NCS1: variants seen among roughly 807,000 people sequenced by gnomAD.
NCS1 encodes the protein frequenin homolog.
NCS1 carries 6 observed loss-of-function variants against 28.4 expected under a neutral mutation model. The observed-to-expected ratio is 0.21, with a 90% CI of 0.12 to 0.42. The LOEUF is 0.42. NCS1 is among the 10% of genes least tolerant of loss of function. The pLI is 1.00. For synonymous variants in NCS1, 86 were observed against 99.3 expected (o/e 0.87, Z 0.79); for missense variants, 131 against 241.4 (o/e 0.54, Z 3.03).
chr9:130,209,806 CCT>C lies in NCS1; in HGVS notation c.90-8025_90-8024del, dbSNP rs1554908539. 6.6e-6 allele frequency among the ~76,000 whole-genome samples: 1 copy of C among 152,104 alleles called. No individual in the cohort carries two copies. The highest frequency in any genetic ancestry group is 2.4e-5 in the African/African-American group (1 of 41,412). On this transcript the variant is annotated intron_variant, in intron 2 of 7. Transcript: ENST00000372398. The surrounding 1 kb of genome is among the most constrained non-coding windows in gnomAD (Gnocchi z 4.4). ...TAGGATTTTCTTTTCTCATCTCTAC[CCT>C]GTCTCGTGGAGCTGGTTCCCAAACA...
chr9:130,188,485 C>CGATCTCGGCTT (rs1236300082), intron 1 of NCS1, among the ~76,000 whole-genome samples: 3 of 150,536 alleles, frequency 2.0e-5, no homozygotes, highest in Non-Finnish European at 3.0e-5. Flanking sequence ...TGCAATGGCT[C>CGATCTCGGCTT]GATCTCGGCG....
chr9:130,222,142 G>GTA lies in NCS1; in HGVS notation c.308-498_308-497dup, dbSNP rs200961863. On this transcript the variant is annotated intron_variant, in intron 4 of 7. Coordinates refer to ENST00000372398, the MANE Select transcript of NCS1 (RefSeq NM_014286.4). ...TATATATATGTGTATATATATATACGTATATATATATGTATATACAGAGAG... is the reference window on the plus strand; with the variant it reads ...TATATATATGTGTATATATATATACGTATATATATATATGTATATACAGAGAG... 2.8e-3 allele frequency among the ~76,000 whole-genome samples: 361 copies of GTA among 127,758 alleles called. 11 individuals are homozygous for GTA. Among genetic ancestry groups the GTA allele is most frequent in the East Asian group, 0.018 (74 of 4,216 alleles). The allele number at this position is 127,758 out of a possible 152,430, so 83.8% of individuals were successfully genotyped here.
At position 130,180,628 on chromosome 9, in the gene NCS1, TG is replaced by T. The variant is rs1554905080; in HGVS notation, c.64+7904del. Among the ~76,000 whole-genome samples, 1 of 152,166 alleles carries T rather than the reference TG, an allele frequency of 6.6e-6. No individual in the cohort carries two copies. Among genetic ancestry groups the T allele is most frequent in the Non-Finnish European group, 1.5e-5 (1 of 68,040 alleles). ...AAGGTCAGTTCTGCTGTTTCCTGGC[TG>T]GGCAATCCTGGCCAGCTCCTTACGT... On this transcript the variant is annotated intron_variant, in intron 1 of 7. Coordinates refer to ENST00000372398, the MANE Select transcript of NCS1 (RefSeq NM_014286.4). This position sits in a 1 kb window ranked among gnomAD's most constrained non-coding sequence, Gnocchi z 4.5.
chr9:130,208,034 A>C (rs1415870768), intron 2 of NCS1, among the ~76,000 whole-genome samples: 1 of 152,036 alleles, frequency 6.6e-6, no homozygotes, highest in Non-Finnish European at 1.5e-5. Flanking sequence ...CTGCTTAAGA[A>C]ATGGCAGATC....
In NCS1 at chr9:130,234,910, C is replaced by T. The variant is rs1165050597; in HGVS notation, c.*1938C>T. On this transcript the variant is annotated 3_prime_UTR_variant, in exon 8 of 8. Transcript: ENST00000372398. The surrounding 1 kb of genome is among the most constrained non-coding windows in gnomAD (Gnocchi z 6.1). The stretch of plus-strand genomic sequence containing the variant: ...CTGCTGCTTTGCAGAGTCAACAGCC[C>T]ATCAGCCCATGTTTTAGAGGGGACA... The T allele has an allele frequency of 6.6e-6, 1 of 152,232 alleles. No homozygotes were observed. The highest frequency in any genetic ancestry group is 1.5e-5 in the Non-Finnish European group (1 of 68,082). 9.4% of individuals were successfully genotyped at this position (152,232 alleles called of 1,614,324 possible).
At chr9:130,198,471 C>T (rs1193246812) in intron 1 of NCS1, among the ~76,000 whole-genome samples, 2 of 152,342 alleles carry the variant, frequency 1.3e-5, no homozygotes, top group East Asian at 3.9e-4. Flanking sequence ...CATACAAGGT[C>T]ATGCAGACTC....
At chr9:130,230,036 T>C (rs1016654072) in intron 7 of NCS1, among the ~76,000 whole-genome samples, 1 of 152,068 alleles carries the variant, frequency 6.6e-6, no homozygotes, top group Non-Finnish European at 1.5e-5. Context: ...TTGTTGGGAA[T>C]TTGGGGAAGG....
chr9:130,201,576 C>T (rs1758520128), intron 2 of NCS1, among the ~76,000 whole-genome samples: 1 of 152,102 alleles, frequency 6.6e-6, no homozygotes, highest in African/African-American at 2.4e-5. Flanking sequence ...TATTGTCCGT[C>T]TTTGTGGAAT....
intron 2 of NCS1, among the ~76,000 whole-genome samples, chr9:130,204,688 G>A (rs10739776): frequency 6.6e-6 from 1 of 152,094 alleles, no homozygotes; most frequent in East Asian, 1.9e-4. Flanking sequence ...AAAAGGAGGG[G>A]GATAATAGTA....
intron 1 of NCS1, among the ~76,000 whole-genome samples, chr9:130,183,934 C>T (rs189425763): frequency 8.0e-4 from 121 of 151,894 alleles, no homozygotes; most frequent in Middle Eastern, 3.4e-3. Flanking sequence ...CTCAGCCTCC[C>T]GAGTAGCTGG....
rs1833357063 is a variant in NCS1 at position 130,223,102 on chromosome 9, AGAG to A, written c.424_426del (p.Glu142del). 1 of 1,606,948 alleles carries A rather than the reference AGAG, an allele frequency of 6.2e-7. No individual in the cohort carries two copies. Among genetic ancestry groups the A allele is most frequent in the Non-Finnish European group, 8.5e-7 (1 of 1,175,660 alleles). On this transcript the variant is annotated inframe_deletion, in exon 6 of 8. Coordinates refer to ENST00000372398, the MANE Select transcript of NCS1 (RefSeq NM_014286.4). ...TGCAGGGGAATACCGTGGAGCTCCC[AGAG>A]GAGGAGAACACTCCTGAGAAGAGGG...
At chr9:130,200,531 C>A in intron 1 of NCS1, 9 of 1,549,200 alleles carry the variant, frequency 5.8e-6, no homozygotes, top group South Asian at 3.6e-5. Flanking sequence ...CACCCCCCCA[C>A]ATAGGTGGGG....
At chr9:130,189,483 G>A (rs556600644) in intron 1 of NCS1, among the ~76,000 whole-genome samples, 23 of 152,182 alleles carry the variant, frequency 1.5e-4, no homozygotes, top group African/African-American at 4.3e-4. Context: ...TGCCGGGGTC[G>A]GCTCTGAAAT....
chr9:130,196,715 G>A (rs1267641576), intron 1 of NCS1, among the ~76,000 whole-genome samples: 1 of 152,144 alleles, frequency 6.6e-6, no homozygotes, highest in African/African-American at 2.4e-5. Flanking sequence ...TCTAGCCCCA[G>A]CCTGGGTGAC....
chr9:130,175,630 C>T lies in NCS1; in HGVS notation c.64+2903C>T, dbSNP rs976974452. Among the ~76,000 whole-genome samples, 5 of 152,088 alleles carry T rather than the reference C, an allele frequency of 3.3e-5. No individual in the cohort carries two copies. The highest frequency in any genetic ancestry group is 2.1e-4 in the South Asian group (1 of 4,794). On this transcript the variant is annotated intron_variant, in intron 1 of 7. Coordinates refer to ENST00000372398, the MANE Select transcript of NCS1 (RefSeq NM_014286.4). The surrounding 1 kb of genome is among the most constrained non-coding windows in gnomAD (Gnocchi z 4.9). The stretch of plus-strand genomic sequence containing the variant: ...GGGAGCCATGGGTCCACGTCCGAGT[C>T]GGTGCTGGGCAGTGTCCTTGGTGGG...
chr9:130,197,177 G>A (rs79180671), intron 1 of NCS1, among the ~76,000 whole-genome samples: 1,865 of 152,306 alleles, frequency 0.012, 55 homozygotes, highest in African/African-American at 0.042. Flanking sequence ...CGAAGGCAGG[G>A]CAGGTTTGAT....
At chr9:130,173,207 G>GGGC (rs1554904295) in intron 1 of NCS1, among the ~76,000 whole-genome samples, 1 of 151,850 alleles carries the variant, frequency 6.6e-6, no homozygotes, top group East Asian at 1.9e-4. Flanking sequence ...TGTGGGGGGG[G>GGGC]GGGTGGCGAG....
At chr9:130,206,158 C>T (rs1243299095) in intron 2 of NCS1, among the ~76,000 whole-genome samples, 1 of 152,178 alleles carries the variant, frequency 6.6e-6, no homozygotes, top group Non-Finnish European at 1.5e-5. Context: ...GCCAGGGGAA[C>T]TGCTGTTACC....
At chr9:130,178,157 G>A (rs564267069) in intron 1 of NCS1, among the ~76,000 whole-genome samples, 8 of 152,232 alleles carry the variant, frequency 5.3e-5, no homozygotes, top group South Asian at 2.1e-4. Context: ...GAGCTGCTGC[G>A]CCTGGCCATG....
Sources: allele counts gnomAD v4.1 joint callset (sites outside exome capture counted in the v4.1 genomes callset), GRCh38; gene constraint gnomAD v4.1.1; non-coding constraint Gnocchi (gnomAD v3.1); transcripts MANE v1.5; gene names NCBI Gene and HGNC (gene_info 2026-07-23, HGNC 2026-07-21).